The following MALRD1 variants were observed in gnomAD, a reference collection of about 807,000 sequenced individuals.
MALRD1 encodes the protein MAM and LDL receptor class A domain containing 1.
In MALRD1, 247 loss-of-function variants were observed where a neutral mutation model predicts 242.1. The observed-to-expected ratio is 1.02, with a 90% CI of 0.92 to 1.13. MALRD1 has a LOEUF of 1.13. Among genes scored for constraint, MALRD1 ranks in the 50% most tolerant of loss-of-function variants. The pLI is 0.00. For synonymous variants in MALRD1, 995 were observed against 866.6 expected, an observed-to-expected ratio of 1.15 and a Z score of -2.60; for missense variants, 2,989 against 2,533.1, an observed-to-expected ratio of 1.18 and a Z score of -3.86.
At chr10:19,418,832 C>A (rs979972630) in intron 28 of MALRD1, among the ~76,000 whole-genome samples, 4 of 152,198 alleles carry the variant, frequency 2.6e-5, no homozygotes, top group Non-Finnish European at 1.5e-5. Context: ...TAACCAACAT[C>A]TTAGCTCAGG....
chr10:19,550,992 TTAA>T (rs1257994835), intron 32 of MALRD1, among the ~76,000 whole-genome samples: 5 of 152,184 alleles, frequency 3.3e-5, no homozygotes, highest in African/African-American at 9.7e-5. Context: ...TTTTGCCTTT[TTAA>T]TAATAGCCAT....
At chr10:19,465,190 A>G (rs528021405) in intron 29 of MALRD1, among the ~76,000 whole-genome samples, 7 of 152,008 alleles carry the variant, frequency 4.6e-5, no homozygotes, top group Non-Finnish European at 8.8e-5. Context: ...ACCAATTTAA[A>G]TGCCCTTTAT....
intron 18 of MALRD1, among the ~76,000 whole-genome samples, chr10:19,229,760 A>T (rs1837968550): frequency 6.6e-6 from 1 of 152,140 alleles, no homozygotes; most frequent in African/African-American, 2.4e-5. Context: ...ACTTTGTTCA[A>T]AATCTCTAGA....
At position 19,324,041 on chromosome 10, in the gene MALRD1, C is replaced by G. The variant is rs751313037; in HGVS notation, c.3512C>G (p.Thr1171Arg). ...ATTCTCACTCCTATCATTTCACTCA[C>G]GGGACCAAAATGTACCTTGGTGTTC... ...ADILTPIISL[T>R]GPKCTLVFWT... The change falls in exon 22 of 40, where the codon ACG (threonine) becomes AGG (arginine). Residue 1171 changes from threonine to arginine, a missense_variant. Thr to Arg is a moderately conservative substitution (Grantham distance 71). Transcript: ENST00000454679. 2.6e-6 allele frequency: 4 copies of G among 1,550,694 alleles called. No homozygotes were observed. The highest frequency in any genetic ancestry group is 2.0e-5 in the Admixed American group (1 of 50,986).
At chr10:19,408,701 C>A (rs1185666881) in intron 28 of MALRD1, among the ~76,000 whole-genome samples, 2 of 151,982 alleles carry the variant, frequency 1.3e-5, no homozygotes, top group Non-Finnish European at 2.9e-5. Flanking sequence ...TAGAGGAATA[C>A]AAGGTAAATC....
chr10:19,171,809 TCA>T (rs1834981642), intron 13 of MALRD1, among the ~76,000 whole-genome samples: 1 of 143,064 alleles, frequency 7.0e-6, no homozygotes, highest in South Asian at 2.2e-4. Flanking sequence ...TGTATATATA[TCA>T]GTTTGGTTAT....
intron 33 of MALRD1, among the ~76,000 whole-genome samples, chr10:19,591,138 T>A (rs1837758261): frequency 6.6e-6 from 1 of 152,228 alleles, no homozygotes; most frequent in Non-Finnish European, 1.5e-5. Flanking sequence ...GAATGTCATA[T>A]AGTCAAAATC....
chr10:19,465,721 A>G (rs1836187907), intron 29 of MALRD1, among the ~76,000 whole-genome samples: 1 of 152,104 alleles, frequency 6.6e-6, no homozygotes. Context: ...TTTAATACAG[A>G]CAGGATTTAG....
intron 29 of MALRD1, among the ~76,000 whole-genome samples, chr10:19,460,111 C>T (rs758010176): frequency 5.9e-5 from 9 of 152,040 alleles, no homozygotes; most frequent in Admixed American, 2.0e-4. Context: ...CTATATTTTA[C>T]TTATTTTCAC....
intron 19 of MALRD1, among the ~76,000 whole-genome samples, chr10:19,266,350 G>A (rs1343068895): frequency 6.6e-6 from 1 of 151,564 alleles, no homozygotes; most frequent in Non-Finnish European, 1.5e-5. Flanking sequence ...GGTATGCTTT[G>A]ATTGCTTTCT....
chr10:19,130,806 A>G (rs1833072388), intron 8 of MALRD1, among the ~76,000 whole-genome samples: 1 of 152,192 alleles, frequency 6.6e-6, no homozygotes, highest in Non-Finnish European at 1.5e-5. Context: ...TGGTGGCTTT[A>G]GAACCATACA....
chr10:19,643,515 T>C (rs978921898), intron 36 of MALRD1, among the ~76,000 whole-genome samples: 2 of 151,240 alleles, frequency 1.3e-5, no homozygotes, highest in Non-Finnish European at 3.0e-5. Context: ...CAAAGTTAAT[T>C]GATTAATTGA....
At chr10:19,066,372 A>ATGT (rs1834981082) in intron 1 of MALRD1, among the ~76,000 whole-genome samples, 1 of 152,158 alleles carries the variant, frequency 6.6e-6, no homozygotes, top group Non-Finnish European at 1.5e-5. Flanking sequence ...ACAGGACAGG[A>ATGT]TGTTATTGTT....
intron 20 of MALRD1, among the ~76,000 whole-genome samples, chr10:19,281,675 A>G (rs1165812055): frequency 1.3e-5 from 2 of 151,878 alleles, no homozygotes; most frequent in African/African-American, 2.4e-5. Flanking sequence ...AAATTGTGAT[A>G]AAAACACATA....
At chr10:19,414,610 T>A (rs1431119112) in intron 28 of MALRD1, among the ~76,000 whole-genome samples, 1 of 152,060 alleles carries the variant, frequency 6.6e-6, no homozygotes, top group Non-Finnish European at 1.5e-5. Context: ...GAGGTGAAAA[T>A]TTGGTAGTTA....
intron 33 of MALRD1, among the ~76,000 whole-genome samples, chr10:19,569,045 C>T (rs973482367): frequency 1.3e-5 from 2 of 151,948 alleles, no homozygotes; most frequent in African/African-American, 2.4e-5. Flanking sequence ...GATTTATTTA[C>T]AGTAAGTAAA....
At chr10:19,078,700 A>G (rs1835393357) in intron 2 of MALRD1, among the ~76,000 whole-genome samples, 1 of 151,852 alleles carries the variant, frequency 6.6e-6, no homozygotes, top group Non-Finnish European at 1.5e-5. Context: ...CTCTCTTGTT[A>G]CAATCTATTT....
At chr10:19,625,849 C>A (rs73595874) in intron 36 of MALRD1, among the ~76,000 whole-genome samples, 7 of 152,030 alleles carry the variant, frequency 4.6e-5, no homozygotes, top group East Asian at 1.9e-4. Context: ...TAGCAACCAA[C>A]AATCATTCTT....
chr10:19,349,895 C>T (rs143250312), intron 25 of MALRD1, among the ~76,000 whole-genome samples: 1 of 151,886 alleles, frequency 6.6e-6, no homozygotes, highest in Non-Finnish European at 1.5e-5. Context: ...TGCTATATTC[C>T]CCTGGTCCCA....
Sources: allele counts gnomAD v4.1 joint callset (sites outside exome capture counted in the v4.1 genomes callset), GRCh38; gene constraint gnomAD v4.1.1; transcripts MANE v1.5; gene names NCBI Gene and HGNC (gene_info 2026-07-23, HGNC 2026-07-21).